Variants in ZNF264 observed in about 807,000 individuals in gnomAD.
ZNF264 encodes the protein zinc finger protein 264.
Under a neutral mutation model 11.2 loss-of-function variants are expected in ZNF264, and 11 were observed. That is an observed-to-expected ratio of 0.98 (90% CI 0.62 to 1.63). ZNF264 has a LOEUF of 1.63. Ranked by LOEUF, ZNF264 falls within the 40% of genes most tolerant of loss-of-function variation. The pLI, the probability that ZNF264 is intolerant of heterozygous loss-of-function variation, is 0.00. For missense variants in ZNF264, 752 were observed against 768.1 expected (o/e 0.98, Z 0.25); for synonymous variants, 309 against 279.8 (o/e 1.10, Z -1.04).
At position 57,213,847 on chromosome 19, in the gene ZNF264, G is replaced by A. The variant is rs902942878; in HGVS notation, c.*866G>A. 4.6e-5 allele frequency: 7 copies of A among 152,074 alleles called. No homozygotes were observed. The highest frequency in any genetic ancestry group is 3.3e-4 in the Admixed American group (5 of 15,276). 9.4% of individuals were successfully genotyped at this position (152,074 alleles called of 1,614,324 possible). ...CTTGTAGTTCATGAGTGCAGGAGTA[G>A]GCCTCTTAATTTATAATAGTTAAGC... On this transcript the variant is annotated 3_prime_UTR_variant, in exon 4 of 4. Coordinates refer to ENST00000263095, the MANE Select transcript of ZNF264 (RefSeq NM_003417.5).
chr19:57,193,704 T>G (rs1255469136), intron 1 of ZNF264, among the ~76,000 whole-genome samples, 171 bp from the exon 2 acceptor site: 3 of 152,230 alleles, frequency 2.0e-5, no homozygotes, highest in Non-Finnish European at 4.4e-5. Context: ...TACTCTGGTA[T>G]TATGTTAAAA....
chr19:57,212,885 T>A lies in ZNF264; in HGVS notation c.1788T>A (p.Asn596Lys). 1 of 1,614,224 alleles carries A rather than the reference T, an allele frequency of 6.2e-7. No individual in the cohort carries two copies. The highest frequency in any genetic ancestry group is 8.5e-7 in the Non-Finnish European group (1 of 1,180,044). The stretch of plus-strand genomic sequence containing the variant: ...TTCTTTTAGGGAAGGACTTTTTGAA[T>A]GTAACCACTGAGGCAAATATTTTGC... ...RELLLGKDFL[N>K]VTTEANILPE... Residue 596 changes from asparagine (N) to lysine (K), a missense_variant, in exon 4 of 4, where the codon AAT (asparagine) becomes AAA (lysine). Transcript: ENST00000263095.
chr19:57,203,417 G>A (rs551478031), intron 2 of ZNF264, among the ~76,000 whole-genome samples: 2 of 152,074 alleles, frequency 1.3e-5, no homozygotes, highest in African/African-American at 4.8e-5. Context: ...GTCTGAAAAG[G>A]CTTCAAGATG....
At chr19:57,210,108 C>T (rs981742855) in intron 3 of ZNF264, among the ~76,000 whole-genome samples, 1 of 152,164 alleles carries the variant, frequency 6.6e-6, no homozygotes, top group African/African-American at 2.4e-5. Flanking sequence ...CCCTCTGTCC[C>T]TGGATTGTCA....
chr19:57,206,705 C>T (rs1012100701), intron 3 of ZNF264, among the ~76,000 whole-genome samples: 1 of 151,898 alleles, frequency 6.6e-6, no homozygotes, highest in East Asian at 1.9e-4. Flanking sequence ...GGAATAGGGC[C>T]TTTCTTACTC....
chr19:57,193,759 G>C, intron 1 of ZNF264, 116 bp from the exon 2 acceptor site: 1 of 1,438,566 alleles, frequency 7.0e-7, no homozygotes, highest in Non-Finnish European at 9.5e-7. Context: ...TAGGCCCTCA[G>C]GAGGTGCTCT....
chr19:57,208,095 T>TC (rs1166012480), intron 3 of ZNF264, among the ~76,000 whole-genome samples: 1 of 152,178 alleles, frequency 6.6e-6, no homozygotes, highest in African/African-American at 2.4e-5. Context: ...CCTCAAGCAG[T>TC]CCATCTGCTT....
rs2087365039 is a variant in ZNF264 at position 57,214,472 on chromosome 19, C to G, written c.*1491C>G. ...GATCCCCCCACCTCAGCCCTCACCACCCCCCAGTAGCTGGTACTACAAGCA... is the reference window on the plus strand; with the variant it reads ...GATCCCCCCACCTCAGCCCTCACCAGCCCCCAGTAGCTGGTACTACAAGCA... On this transcript the variant is annotated 3_prime_UTR_variant, in exon 4 of 4. Coordinates refer to ENST00000263095, the MANE Select transcript of ZNF264 (RefSeq NM_003417.5). 6.6e-6 allele frequency: 1 copy of G among 152,084 alleles called. No individual in the cohort carries two copies. Among genetic ancestry groups the G allele is most frequent in the African/African-American group, 2.4e-5 (1 of 41,354 alleles). 9.4% of individuals were successfully genotyped at this position (152,084 alleles called of 1,614,324 possible). A position where few individuals can be genotyped will look rare whatever the true frequency, so the allele number is the denominator to read the frequency against.
At chr19:57,194,170 C>G (rs1181983260) in intron 2 of ZNF264, 169 bp downstream of exon 2, 4 of 943,828 alleles carry the variant, frequency 4.2e-6, no homozygotes, top group Non-Finnish European at 6.0e-6. Context: ...TCTCCTATAT[C>G]TCTGGGCTAA....
At chr19:57,197,921 C>T (rs892876470) in intron 2 of ZNF264, among the ~76,000 whole-genome samples, 2 of 151,972 alleles carry the variant, frequency 1.3e-5, no homozygotes, top group Admixed American at 1.3e-4. Context: ...GTGTTTGCTA[C>T]TTCTTGCTAC....
rs1021080726 is a variant in ZNF264, at chr19:57,222,658, T to C, written c.*9677T>C. 6.6e-6 allele frequency: 1 copy of C among 152,114 alleles called. No individual in the cohort carries two copies. Among genetic ancestry groups the C allele is most frequent in the African/African-American group, 2.4e-5 (1 of 41,422 alleles). 9.4% of individuals were successfully genotyped at this position (152,114 alleles called of 1,614,324 possible). A position where few individuals can be genotyped will look rare whatever the true frequency, so the allele number is the denominator to read the frequency against. ...TTGCAGGTACTCCCTTTGTTCACCT[T>C]TGTAAAGATGTTATTGCCAGTTCAG... On this transcript the variant is annotated 3_prime_UTR_variant, in exon 4 of 4. Coordinates refer to ENST00000263095, the MANE Select transcript of ZNF264 (RefSeq NM_003417.5).
At chr19:57,194,027 A>G (rs2087194663) in intron 2 of ZNF264, 26 bp downstream of exon 2, 1 of 1,579,290 alleles carries the variant, frequency 6.3e-7, no homozygotes, top group Non-Finnish European at 8.6e-7. Flanking sequence ...CCCCTCCACC[A>G]TGCAGGTGAC....
In ZNF264 at chr19:57,215,636, T is replaced by C. The variant is rs1467743433; in HGVS notation, c.*2655T>C. On this transcript the variant is annotated 3_prime_UTR_variant, in exon 4 of 4. Coordinates refer to ENST00000263095, the MANE Select transcript of ZNF264 (RefSeq NM_003417.5). ...TTAGATTATTGATTTGAGATTTTTT[T>C]GCTTTTTTAATGTAAGCATTACATT... 1 of 152,214 alleles carries C rather than the reference T, an allele frequency of 6.6e-6. No homozygotes were observed. Among genetic ancestry groups the C allele is most frequent in the African/African-American group, 2.4e-5 (1 of 41,462 alleles). The allele number at this position is 152,214 out of a possible 1,614,324, so 9.4% of individuals were successfully genotyped here. A position where few individuals can be genotyped will look rare whatever the true frequency, so the allele number is the denominator to read the frequency against.
intron 1 of ZNF264, 189 bp from the exon 2 acceptor site, chr19:57,193,684 TTC>T: frequency 1.6e-6 from 1 of 626,350 alleles, no homozygotes; most frequent in Non-Finnish European, 2.0e-6. Flanking sequence ...AATAGGAGGC[TTC>T]TCTCCTTTAC....
intron 2 of ZNF264, among the ~76,000 whole-genome samples, chr19:57,204,837 G>A (rs1383739314): frequency 5.3e-5 from 8 of 152,174 alleles, no homozygotes; most frequent in South Asian, 2.1e-4. Context: ...TCTGGGTAGC[G>A]TTGTGGAGCT....
rs1305064287 is a variant in ZNF264, at chr19:57,215,443, A to G, written c.*2462A>G. The G allele has an allele frequency of 6.6e-6, 1 of 152,178 alleles. No individual in the cohort carries two copies. The highest frequency in any genetic ancestry group is 2.4e-5 in the African/African-American group (1 of 41,456). The allele number at this position is 152,178 out of a possible 1,614,324, so 9.4% of individuals were successfully genotyped here. Reference sequence around the variant, plus strand: ...TAGACATTTATCAGTTTTATTGCGCATCATGCTGAAAGATGTAATTTTTGC... The same window carrying G: ...TAGACATTTATCAGTTTTATTGCGCGTCATGCTGAAAGATGTAATTTTTGC... On this transcript the variant is annotated 3_prime_UTR_variant, in exon 4 of 4. Coordinates refer to ENST00000263095, the MANE Select transcript of ZNF264 (RefSeq NM_003417.5).
chr19:57,212,078 G>A lies in ZNF264; in HGVS notation c.981G>A (p.Arg327=). 6.2e-7 allele frequency: 1 copy of A among 1,614,112 alleles called. No homozygotes were observed. Among genetic ancestry groups the A allele is most frequent in the Non-Finnish European group, 8.5e-7 (1 of 1,180,020 alleles). The change falls in exon 4 of 4, where the codon AGG becomes AGA. Residue 327 remains arginine, a synonymous_variant. Transcript: ENST00000263095. ...CTECGQVFRH[R]PGFLRHYVVH... Reference sequence around the variant, plus strand: ...AATGTGGCCAAGTCTTTCGACATAGGCCAGGCTTTCTCCGGCACTATGTTG... The same window carrying A: ...AATGTGGCCAAGTCTTTCGACATAGACCAGGCTTTCTCCGGCACTATGTTG...
At chr19:57,195,404 A>G (rs978436414) in intron 2 of ZNF264, among the ~76,000 whole-genome samples, 2 of 152,248 alleles carry the variant, frequency 1.3e-5, no homozygotes, top group Non-Finnish European at 2.9e-5. Context: ...CATTTCTGCA[A>G]CTGGTCACTT....
rs1256357664 is a variant in ZNF264 at position 57,212,943 on chromosome 19, C to T, written c.1846C>T (p.Pro616Ser). 3 of 1,613,214 alleles carry T rather than the reference C, an allele frequency of 1.9e-6. No individual in the cohort carries two copies. In the African/African-American group the frequency reaches 4.0e-5, roughly 22 times the overall value. ...AACATCTTCCTCTGCATCTGATCAA[C>T]CATACCAAAGAGAAACCCCACAAGT... The part of the protein sequence containing the change: ...EETSSSASDQ[P>S]YQRETPQVSS... The change falls in exon 4 of 4, where the codon CCA (proline) becomes TCA (serine). Residue 616 changes from proline to serine, a missense_variant. Transcript: ENST00000263095.
Sources: gnomAD v4.1 joint callset for allele counts (sites outside exome capture counted in the v4.1 genomes callset) on GRCh38, gnomAD v4.1.1 for gene constraint, MANE v1.5 for transcripts, NCBI Gene and HGNC (gene_info 2026-07-23, HGNC 2026-07-21) for gene names.